The following CCDC154 variants were observed in gnomAD, a reference collection of about 807,000 sequenced individuals.
CCDC154 encodes the protein coiled-coil domain containing 154, also known as coiled-coil domain-containing protein 154.
CCDC154 carries 91 observed loss-of-function variants against 87.5 expected under a neutral mutation model. The ratio of observed to expected loss-of-function variants is 1.04; its 90% CI spans 0.88 to 1.24. The LOEUF is 1.24. CCDC154 is among the 50% of genes most tolerant of loss of function. The pLI is 0.00. For missense variants in CCDC154, 903 were observed against 879.2 expected, an observed-to-expected ratio of 1.03 and a Z score of -0.34; for synonymous variants, 418 against 400.4, an observed-to-expected ratio of 1.04 and a Z score of -0.52.
chr16:1,440,171 C>T (rs550813884), intron 6 of CCDC154, among the ~76,000 whole-genome samples: 9 of 139,498 alleles, frequency 6.5e-5, no homozygotes, highest in Admixed American at 2.2e-4. Context: ...AAAAAATGGC[C>T]GGGCGAGGTG....
chr16:1,438,824 C>T lies in CCDC154; in HGVS notation c.897G>A (p.Gly299=). 2 of 1,544,690 alleles carry T rather than the reference C, an allele frequency of 1.3e-6. No homozygotes were observed. Among genetic ancestry groups the T allele is most frequent in the Non-Finnish European group, 1.7e-6 (2 of 1,145,076 alleles). ...GCCCGCCCGGCCCCACCTCATGCTG[C>T]CCCTGCAGGGCCCGCAGGCGCTCCT... ...LMEERLRALQ[G]QHEESHLLEQ... is the part of the protein sequence containing the mutation. Residue 299 remains glycine (G), a synonymous_variant, in exon 8 of 17, where the codon GGG becomes GGA. Transcript: ENST00000389176.
chr16:1,442,545 G>A lies in CCDC154; in HGVS notation c.552-16C>T. On this transcript the variant is annotated splice_polypyrimidine_tract_variant and intron_variant, in intron 5 of 16. Transcript: ENST00000389176. ...CTTGGCCAGTCTAGAGAAGTCGGCT[G>A]TGGTCACACCAGCCCAGCTGGCCGG... 1 of 1,526,358 alleles carries A rather than the reference G, an allele frequency of 6.6e-7. No individual in the cohort carries two copies. Among genetic ancestry groups the A allele is most frequent in the Non-Finnish European group, 8.8e-7 (1 of 1,134,826 alleles). 94.6% of individuals were successfully genotyped at this position (1,526,358 alleles called of 1,614,324 possible). A position where few individuals can be genotyped will look rare whatever the true frequency, so the allele number is the denominator to read the frequency against.
intron 6 of CCDC154, 143 bp from the exon 7 acceptor site, chr16:1,439,269 C>T (rs2038530205): frequency 1.4e-6 from 1 of 715,734 alleles, no homozygotes; most frequent in African/African-American, 1.8e-5. Context: ...GCCACACCCT[C>T]AGCCGGAAGA....
At chr16:1,444,162 G>T (rs1195555157) in intron 1 of CCDC154, 150 bp from the exon 2 acceptor site, 3 of 1,028,558 alleles carry the variant, frequency 2.9e-6, no homozygotes, top group African/African-American at 3.3e-5. Context: ...GACGGGCTTG[G>T]CTCAGACAAG....
chr16:1,442,794 A>G (rs1483025259), intron 5 of CCDC154, 86 bp downstream of exon 5: 2 of 1,334,736 alleles, frequency 1.5e-6, no homozygotes, highest in Admixed American at 2.1e-5. Flanking sequence ...GACACACGGC[A>G]GGGGGACCCG....
At chr16:1,435,758 T>TCA (rs1184875850) in intron 14 of CCDC154, among the ~76,000 whole-genome samples, 1 of 152,126 alleles carries the variant, frequency 6.6e-6, no homozygotes, top group Admixed American at 6.5e-5. Context: ...ACTCCTGACC[T>TCA]CAGGTGATCC....
rs2038584314 is a variant in CCDC154, at chr16:1,443,910, G to A, written c.110C>T (p.Pro37Leu). The A allele has an allele frequency of 1.5e-6, 2 of 1,304,084 alleles. No homozygotes were observed. Among genetic ancestry groups the A allele is most frequent in the South Asian group, 2.5e-5 (2 of 81,036 alleles). 80.8% of individuals were successfully genotyped at this position (1,304,084 alleles called of 1,614,324 possible). ...GLLLAGGLASPEPLSLEELSE... is the reference protein window; with the variant it reads ...GLLLAGGLASLEPLSLEELSE... ...GAGCTCCTCCAGGCTCAAGGGCTCG[G>A]GGCTGGCCAGGCCTCCTGCCAGGAG... is the stretch of plus-strand genomic sequence containing the variant. The change falls in exon 2 of 17, where the codon CCC becomes CTC. Residue 37 changes from proline (P) to leucine (L), a missense_variant. Physicochemically the swap from Pro to Leu is moderately conservative, Grantham distance 98 (BLOSUM62 -3). Transcript: ENST00000389176.
chr16:1,438,088 C>A lies in CCDC154; in HGVS notation c.1114G>T (p.Glu372Ter). The change falls in exon 10 of 17, where the codon GAG becomes TAG. Residue 372 changes from glutamate to a stop codon, truncating the protein, a stop_gained. Coordinates refer to ENST00000389176, the MANE Select transcript of CCDC154 (RefSeq NM_001143980.3). LOFTEE classifies it high-confidence loss of function. ...ENLEAAQLAG[E>*]LARQEMHGEL... is the part of the protein sequence containing the mutation. ...CCATGCATCTCCTGCCGGGCCAGCT[C>A]GCCAGCCAGCTGTGCGGCCTCCAGG... 6.5e-7 allele frequency: 1 copy of A among 1,548,790 alleles called. No homozygotes were observed. The highest frequency in any genetic ancestry group is 8.7e-7 in the Non-Finnish European group (1 of 1,146,076).
chr16:1,443,086 C>A, intron 4 of CCDC154, 111 bp from the exon 5 acceptor site: 1 of 1,404,810 alleles, frequency 7.1e-7, no homozygotes, highest in Non-Finnish European at 9.8e-7. Context: ...TTTCCTGGGC[C>A]TCTGAAGGCC....
At chr16:1,439,923 T>C (rs1308487483) in intron 6 of CCDC154, among the ~76,000 whole-genome samples, 1 of 150,196 alleles carries the variant, frequency 6.7e-6, no homozygotes, top group African/African-American at 2.5e-5. Context: ...CCGAGGCTGG[T>C]GGATCACCTG....
chr16:1,439,244 G>A (rs1051988469), intron 6 of CCDC154, 118 bp from the exon 7 acceptor site: 64 of 894,296 alleles, frequency 7.2e-5, no homozygotes, highest in Middle Eastern at 3.4e-4. Flanking sequence ...CCCTGAGCCC[G>A]GCTGAGCTGG....
At position 1,434,648 on chromosome 16, in the gene CCDC154, C is replaced by T. The variant is rs769565219; in HGVS notation, c.1877+20G>A. On this transcript the variant is annotated intron_variant, in intron 16 of 16. Coordinates refer to ENST00000389176, the MANE Select transcript of CCDC154 (RefSeq NM_001143980.3). ...CGGCCCAAAGGCCCAGGAGGCCGCG[C>T]CGGGATCCCTGCTGCCCACCTCACA... 13 of 1,542,792 alleles carry T rather than the reference C, an allele frequency of 8.4e-6. No individual in the cohort carries two copies. In the Middle Eastern group the frequency reaches 5.6e-4, roughly 66 times the overall value.
At chr16:1,438,013 G>T in intron 10 of CCDC154, 37 bp downstream of exon 10, 1 of 1,539,330 alleles carries the variant, frequency 6.5e-7, no homozygotes, top group Non-Finnish European at 8.8e-7. Context: ...GTGTGCGTGG[G>T]AGACCCCGTT....
At chr16:1,440,937 G>T (rs1596204850) in intron 6 of CCDC154, among the ~76,000 whole-genome samples, 1 of 149,630 alleles carries the variant, frequency 6.7e-6, no homozygotes, top group African/African-American at 2.5e-5. Flanking sequence ...GGCAACAGAG[G>T]GAGACTCCGT....
In CCDC154 at chr16:1,443,605, G is replaced by A. The variant is rs555915700; in HGVS notation, c.315C>T (p.Leu105=). 212 of 1,439,534 alleles carry A rather than the reference G, an allele frequency of 1.5e-4. 1 individual carries two copies. The highest frequency in any genetic ancestry group is 2.4e-4 in the Middle Eastern group (1 of 4,174). The allele number at this position is 1,439,534 out of a possible 1,614,324, so 89.2% of individuals were successfully genotyped here. ...GCAGCTGCACGCGGGCCCGCACCTG[G>A]AGCAGCTCCCGCAGCAGGCTCCGCG... ...RATRSLLREL[L]QVRARVQLQG... Residue 105 remains leucine, a synonymous_variant, in exon 3 of 17, where the codon CTC becomes CTT. Coordinates refer to ENST00000389176, the MANE Select transcript of CCDC154 (RefSeq NM_001143980.3).
chr16:1,437,154 C>CG (rs1206070498), intron 11 of CCDC154: 2 of 337,634 alleles, frequency 5.9e-6, no homozygotes, highest in South Asian at 7.1e-5. Context: ...GAGCGGGAAC[C>CG]GGGGGGCGGC....
At chr16:1,435,716 G>A (rs1341154504) in intron 14 of CCDC154, among the ~76,000 whole-genome samples, 1 of 152,024 alleles carries the variant, frequency 6.6e-6, no homozygotes, top group African/African-American at 2.4e-5. Context: ...AGTAGAGACA[G>A]GGTTTCTCCA....
rs1173904964 is a variant in CCDC154 at position 1,438,186 on chromosome 16, G to C, written c.1026-10C>G. 8 of 1,529,512 alleles carry C rather than the reference G, an allele frequency of 5.2e-6. No individual in the cohort carries two copies. The African/African-American group carries it at 1.1e-4, about 21-fold the overall frequency. 94.7% of individuals were successfully genotyped at this position (1,529,512 alleles called of 1,614,324 possible). A position where few individuals can be genotyped will look rare whatever the true frequency, so the allele number is the denominator to read the frequency against. ...GCGCCCCTTGGCGTCCCTAGGGGTT[G>C]GGGACACATAGACACCCTCAGTGGA... On this transcript the variant is annotated splice_polypyrimidine_tract_variant and intron_variant, in intron 9 of 16. Transcript: ENST00000389176.
intron 6 of CCDC154, among the ~76,000 whole-genome samples, chr16:1,442,135 C>T (rs1315958993): frequency 6.6e-6 from 1 of 151,816 alleles, no homozygotes; most frequent in Non-Finnish European, 1.5e-5. Flanking sequence ...CCAGGCTGGT[C>T]TTGAACTCCT....
Sources: allele counts gnomAD v4.1 joint callset (sites outside exome capture counted in the v4.1 genomes callset), GRCh38; gene constraint gnomAD v4.1.1; transcripts MANE v1.5; gene names NCBI Gene and HGNC (gene_info 2026-07-23, HGNC 2026-07-21).